Variants in PTCHD4 observed in about 807,000 individuals in gnomAD.
PTCHD4 encodes the protein patched domain containing 4, also known as patched domain-containing protein 4.
PTCHD4 carries 33 observed loss-of-function variants against 58.1 expected under a neutral mutation model. That is an observed-to-expected ratio of 0.57 (90% CI 0.43 to 0.76). PTCHD4 has a LOEUF of 0.76. Ranked by LOEUF, PTCHD4 falls within the 30% of genes least tolerant of loss-of-function variation. PTCHD4 has a pLI of 0.00. For synonymous variants in PTCHD4, 478 were observed against 409.6 expected (o/e 1.17, Z -2.02); for missense variants, 1,058 against 1,027.1 (o/e 1.03, Z -0.41).
At chr6:48,031,062 T>C (rs1763422421) in intron 3 of PTCHD4, among the ~76,000 whole-genome samples, 2 of 152,110 alleles carry the variant, frequency 1.3e-5, no homozygotes, top group South Asian at 4.1e-4. Context: ...TCAGGGAAAC[T>C]TAAGTCAGGC....
rs543579968 is a variant in PTCHD4, at chr6:47,964,817, A to G, written c.898+43817T>C. ...TTGAGAGCTGTAATTACTTTGCAAT[A>G]ATTAGCGGAAGATACCCTACTACAG... is the stretch of plus-strand genomic sequence containing the variant. On this transcript the variant is annotated intron_variant, in intron 4 of 4. Transcript: ENST00000339488. Among the ~76,000 whole-genome samples, 69 of 152,246 alleles carry G rather than the reference A, an allele frequency of 4.5e-4. 1 individual carries two copies. The highest frequency in any genetic ancestry group is 2.9e-3 in the Admixed American group (44 of 15,284).
Position 48,008,679 on chromosome 6 carries a change from C to T in PTCHD4, c.853G>A (p.Gly285Arg). The T allele has an allele frequency of 6.2e-7, 1 of 1,613,432 alleles. No individual in the cohort carries two copies. The highest frequency in any genetic ancestry group is 1.3e-5 in the African/African-American group (1 of 75,030). Residue 285 changes from glycine to arginine, a missense_variant, in exon 4 of 5, where the codon GGA becomes AGA. Transcript: ENST00000339488. The stretch of plus-strand genomic sequence containing the variant: ...CCCAGCAGGGTGGAGTTGTACTTTC[C>T]ATCGGTGATGAAGAAGATCCCTGCT... ...TAAGIFFITD[G>R]KYNSTLLGIP...
At chr6:48,053,331 T>C (rs932723984) in intron 3 of PTCHD4, among the ~76,000 whole-genome samples, 2 of 152,160 alleles carry the variant, frequency 1.3e-5, no homozygotes, top group Non-Finnish European at 2.9e-5. Flanking sequence ...AGTAATTCAC[T>C]TTGTCGTTCA....
At chr6:48,038,628 G>T (rs941235816) in intron 3 of PTCHD4, among the ~76,000 whole-genome samples, 2 of 143,132 alleles carry the variant, frequency 1.4e-5, no homozygotes, top group Admixed American at 1.4e-4. Context: ...TCATGGCACT[G>T]CATTCCAGCC....
intron 3 of PTCHD4, among the ~76,000 whole-genome samples, chr6:48,052,095 G>A (rs167976): frequency 0.85 from 129,221 of 151,974 alleles, 54,970 homozygotes; most frequent in Non-Finnish European, 0.87. Flanking sequence ...TTTGAGAATA[G>A]TATTCATTGA....
chr6:47,879,451 G>A lies in PTCHD4; in HGVS notation c.1384C>T (p.Pro462Ser), dbSNP rs1301115074. Reference protein sequence around the residue: ...NEWITNIYVKPFVVILYLIYA... With the variant: ...NEWITNIYVKSFVVILYLIYA... ...ATGAGATAGAGGATGACAACAAATG[G>A]CTTCACATATATATTGGTAATCCAT... Residue 462 changes from proline (P) to serine (S), a missense_variant, in exon 5 of 5, where the codon CCA becomes TCA. By Grantham distance (74) the Pro-to-Ser change is moderately conservative. Coordinates refer to ENST00000339488, the MANE Select transcript of PTCHD4 (RefSeq NM_001384253.1). 1 of 1,613,480 alleles carries A rather than the reference G, an allele frequency of 6.2e-7. No homozygotes were observed. Among genetic ancestry groups the A allele is most frequent in the African/African-American group, 1.3e-5 (1 of 74,878 alleles).
intron 1 of PTCHD4, among the ~76,000 whole-genome samples, chr6:48,101,196 AT>A (rs761672986): frequency 3.9e-5 from 6 of 152,196 alleles, no homozygotes; most frequent in African/African-American, 7.2e-5. Context: ...TGGAAAAAAA[AT>A]ATCTAGTAAA....
chr6:47,873,996 A>G lies in PTCHD4; in HGVS notation c.*4307T>C, dbSNP rs1763784103. The stretch of plus-strand genomic sequence containing the variant: ...CCAGACTGAACAGAAAGATCCCTGT[A>G]GTAGGATGCCGAGCAAATCATTGAC... On this transcript the variant is annotated 3_prime_UTR_variant, in exon 5 of 5. Coordinates refer to ENST00000339488, the MANE Select transcript of PTCHD4 (RefSeq NM_001384253.1). Among the ~76,000 whole-genome samples the G allele has an allele frequency of 6.6e-6, 1 of 151,776 alleles. No individual in the cohort carries two copies. The highest frequency in any genetic ancestry group is 1.5e-5 in the Non-Finnish European group (1 of 67,796).
intron 1 of PTCHD4, among the ~76,000 whole-genome samples, chr6:48,096,363 GCA>G (rs1417621520): frequency 6.6e-6 from 1 of 152,164 alleles, no homozygotes; most frequent in African/African-American, 2.4e-5. Context: ...TGTAATCCCA[GCA>G]TTTTAGGAGG....
intron 1 of PTCHD4, among the ~76,000 whole-genome samples, chr6:48,073,688 G>T (rs1333969341): frequency 6.6e-6 from 1 of 152,134 alleles, no homozygotes; most frequent in East Asian, 1.9e-4. Flanking sequence ...TGACTTCAAA[G>T]TCCTTCCTGA....
chr6:48,096,681 T>C (rs1220709607), intron 1 of PTCHD4, among the ~76,000 whole-genome samples: 1 of 150,920 alleles, frequency 6.6e-6, no homozygotes, highest in Non-Finnish European at 1.5e-5. Context: ...AAATGTGGGA[T>C]GGAGTTGAAA....
chr6:48,085,008 T>G (rs573069947), intron 1 of PTCHD4, among the ~76,000 whole-genome samples: 1 of 151,776 alleles, frequency 6.6e-6, no homozygotes, highest in South Asian at 2.1e-4. Context: ...CCTCCCAAAG[T>G]GCTGGGATTA....
At chr6:47,882,389 G>C (rs1207009979) in intron 4 of PTCHD4, among the ~76,000 whole-genome samples, 1 of 151,958 alleles carries the variant, frequency 6.6e-6, no homozygotes, top group Non-Finnish European at 1.5e-5. Flanking sequence ...AAATGTGGTC[G>C]AGACTGAAAA....
chr6:47,970,884 C>T lies in PTCHD4; in HGVS notation c.898+37750G>A, dbSNP rs569632208. Among the ~76,000 whole-genome samples, 3 of 152,274 alleles carry T rather than the reference C, an allele frequency of 2.0e-5. No homozygotes were observed. The East Asian group carries it at 5.8e-4, about 29-fold the overall frequency. On this transcript the variant is annotated intron_variant, in intron 4 of 4. Coordinates refer to ENST00000339488, the MANE Select transcript of PTCHD4 (RefSeq NM_001384253.1). ...GAAAACATCCAAGTGTGGGGCCTAG[C>T]AATTTTTGTTTTAACAAGACATCCA...
At chr6:47,915,451 G>A (rs1289319183) in intron 4 of PTCHD4, among the ~76,000 whole-genome samples, 5 of 152,066 alleles carry the variant, frequency 3.3e-5, no homozygotes, top group African/African-American at 7.2e-5. Context: ...ATTGGTTGGC[G>A]TTGAAAGTCC....
rs976697692 is a variant in PTCHD4, at chr6:47,874,059, C to T, written c.*4244G>A. 7.2e-5 allele frequency among the ~76,000 whole-genome samples: 11 copies of T among 151,744 alleles called. No homozygotes were observed. Among genetic ancestry groups the T allele is most frequent in the African/African-American group, 2.7e-4 (11 of 41,366 alleles). ...TAAGAGACAATATCTAAATGTCAGT[C>T]TCATGGCATTGTATTTTCTGCTTCA... On this transcript the variant is annotated 3_prime_UTR_variant, in exon 5 of 5. Coordinates refer to ENST00000339488, the MANE Select transcript of PTCHD4 (RefSeq NM_001384253.1).
rs1763567007 is a variant in PTCHD4, at chr6:47,866,539, T to G, written c.*11764A>C. Among the ~76,000 whole-genome samples the G allele has an allele frequency of 6.6e-6, 1 of 151,888 alleles. No homozygotes were observed. Among genetic ancestry groups the G allele is most frequent in the Non-Finnish European group, 1.5e-5 (1 of 67,870 alleles). On this transcript the variant is annotated 3_prime_UTR_variant, in exon 5 of 5. Transcript: ENST00000339488. ...GTTGGATTTATCTCCATTCTACTTC[T>G]GTGAACAGATGTCCTCCTCGTGAAC...
intron 3 of PTCHD4, among the ~76,000 whole-genome samples, chr6:48,012,558 G>A (rs538339495): frequency 2.0e-5 from 3 of 151,992 alleles, no homozygotes; most frequent in East Asian, 3.9e-4. Flanking sequence ...ATTTGAATAC[G>A]CTTTATTTCT....
rs191812144 is a variant in PTCHD4 at position 48,085,539 on chromosome 6, A to T, written c.-969-15613T>A. ...AAGATCATTTGCCTTTTTCATTTTT[A>T]GCTGACTATTGATATACTCACAGTG... On this transcript the variant is annotated intron_variant, in intron 1 of 4. Transcript: ENST00000339488. 3.7e-3 allele frequency among the ~76,000 whole-genome samples: 561 copies of T among 152,318 alleles called. 14 individuals are homozygous for T. The highest frequency in any genetic ancestry group is 0.033 in the Admixed American group (509 of 15,300).
Sources: allele counts gnomAD v4.1 joint callset (sites outside exome capture counted in the v4.1 genomes callset), GRCh38; gene constraint gnomAD v4.1.1; transcripts MANE v1.5; gene names NCBI Gene and HGNC (gene_info 2026-07-23, HGNC 2026-07-21).